The following BICC1 variants were observed in gnomAD, a reference collection of about 807,000 sequenced individuals.
BICC1 encodes the protein BicC family RNA binding protein 1.
A neutral mutation model predicts 111.0 loss-of-function variants in BICC1; 43 were observed. The observed-to-expected ratio is 0.39, with a 90% confidence interval of 0.30 to 0.50. BICC1 has a LOEUF of 0.50. BICC1 is among the 20% of genes least tolerant of loss of function. BICC1 has a pLI of 0.88. For synonymous variants in BICC1, 467 were observed against 434.4 expected (o/e 1.07, Z -0.93); for missense variants, 1,091 against 1,203.2 (o/e 0.91, Z 1.38).
intron 2 of BICC1, among the ~76,000 whole-genome samples, chr10:58,621,661 T>C (rs1348515603): frequency 2.6e-5 from 4 of 151,916 alleles, no homozygotes; most frequent in Non-Finnish European, 5.9e-5. Flanking sequence ...ATCCTAGTGC[T>C]TTGGGAAGCT....
At chr10:58,580,818 A>T (rs904032141) in intron 1 of BICC1, among the ~76,000 whole-genome samples, 5 of 152,210 alleles carry the variant, frequency 3.3e-5, no homozygotes, top group African/African-American at 1.2e-4. Flanking sequence ...AACTCAGTGT[A>T]TGAAGGAGCT....
At chr10:58,688,884 T>TG (rs879483228) in intron 2 of BICC1, among the ~76,000 whole-genome samples, 1 of 149,354 alleles carries the variant, frequency 6.7e-6, no homozygotes, top group African/African-American at 2.5e-5. Context: ...TGTTGGGGAG[T>TG]GGGGGGCTAG....
At chr10:58,785,200 A>C (rs1842976430) in intron 4 of BICC1, 120 bp downstream of exon 4, 1 of 529,168 alleles carries the variant, frequency 1.9e-6, no homozygotes, top group Non-Finnish European at 3.3e-6. Context: ...GTGGGTTTTA[A>C]AATAAGCACA....
intron 1 of BICC1, among the ~76,000 whole-genome samples, chr10:58,523,842 C>T (rs1260174828): frequency 6.6e-6 from 1 of 152,144 alleles, no homozygotes. Flanking sequence ...AGCTGATAGA[C>T]AACTTCAGCA....
intron 3 of BICC1, among the ~76,000 whole-genome samples, chr10:58,761,636 A>G (rs1319728958): frequency 1.3e-5 from 2 of 152,200 alleles, no homozygotes; most frequent in Non-Finnish European, 2.9e-5. Flanking sequence ...GTTGTTGAGA[A>G]TGGATGACAA....
chr10:58,711,807 T>G (rs200667188), intron 3 of BICC1, among the ~76,000 whole-genome samples: 1,029 of 32,130 alleles, frequency 0.032, 8 homozygotes, highest in South Asian at 0.059. Context: ...TTTTTTTTTT[T>G]GTTTTTTTTT....
chr10:58,690,127 A>G (rs1263372965), intron 2 of BICC1, among the ~76,000 whole-genome samples: 3 of 152,182 alleles, frequency 2.0e-5, no homozygotes, highest in Non-Finnish European at 4.4e-5. Context: ...TGGAATATGA[A>G]TAAAATACAT....
chr10:58,679,193 A>C (rs1839436541), intron 2 of BICC1, among the ~76,000 whole-genome samples: 2 of 152,218 alleles, frequency 1.3e-5, no homozygotes, highest in African/African-American at 4.8e-5. Flanking sequence ...ATCAGAGCAG[A>C]ACTGAAGGAG....
intron 3 of BICC1, among the ~76,000 whole-genome samples, chr10:58,719,567 C>T (rs997443285): frequency 4.6e-5 from 7 of 151,886 alleles, no homozygotes; most frequent in African/African-American, 1.7e-4. Flanking sequence ...AGTGCAGTGG[C>T]GGGATCTCGG....
intron 2 of BICC1, among the ~76,000 whole-genome samples, chr10:58,692,384 A>G (rs1485344538): frequency 2.0e-5 from 3 of 152,200 alleles, no homozygotes; most frequent in South Asian, 2.1e-4. Flanking sequence ...TTCACTTTGC[A>G]TGGCCTATGG....
chr10:58,698,827 T>C (rs968353017), intron 2 of BICC1, among the ~76,000 whole-genome samples: 9 of 152,144 alleles, frequency 5.9e-5, no homozygotes, highest in African/African-American at 1.2e-4. Flanking sequence ...GAGGAGGAAA[T>C]TGAGATTGAT....
chr10:58,631,052 G>T (rs186154658), intron 2 of BICC1, among the ~76,000 whole-genome samples: 129 of 152,182 alleles, frequency 8.5e-4, no homozygotes, highest in Non-Finnish European at 1.5e-3. Flanking sequence ...ACGTTAATAT[G>T]TTAGGTGAAA....
chr10:58,639,636 C>T (rs193056998), intron 2 of BICC1, among the ~76,000 whole-genome samples: 237 of 139,558 alleles, frequency 1.7e-3, no homozygotes, highest in Non-Finnish European at 3.0e-3. Context: ...AGCCTGGTCT[C>T]GAACTCCTGA....
At chr10:58,610,159 T>A (rs963734947) in intron 1 of BICC1, among the ~76,000 whole-genome samples, 43 of 152,260 alleles carry the variant, frequency 2.8e-4, no homozygotes, top group African/African-American at 9.1e-4. Context: ...AAGCAGTGAG[T>A]AATGTAGATG....
chr10:58,519,652 G>C (rs1393303132), intron 1 of BICC1, among the ~76,000 whole-genome samples: 2 of 151,984 alleles, frequency 1.3e-5, no homozygotes, highest in East Asian at 3.9e-4. Context: ...CCCTGAACCA[G>C]AATAGGTTCT....
intron 2 of BICC1, among the ~76,000 whole-genome samples, chr10:58,626,224 C>T (rs1479822896): frequency 2.0e-5 from 3 of 152,164 alleles, no homozygotes; most frequent in Non-Finnish European, 4.4e-5. Flanking sequence ...TAAAGATGAT[C>T]ATCAATGTGC....
chr10:58,672,989 A>G (rs1839227751), intron 2 of BICC1, among the ~76,000 whole-genome samples: 1 of 152,188 alleles, frequency 6.6e-6, no homozygotes, highest in Admixed American at 6.5e-5. Context: ...GAGGTCTGAT[A>G]TATTGCCAAA....
At chr10:58,590,262 C>T (rs527634634) in intron 1 of BICC1, among the ~76,000 whole-genome samples, 1 of 152,082 alleles carries the variant, frequency 6.6e-6, no homozygotes, top group Non-Finnish European at 1.5e-5. Flanking sequence ...AGTGCCTATC[C>T]CTTGCCTAGC....
At chr10:58,630,775 G>T (rs1158606138) in intron 2 of BICC1, among the ~76,000 whole-genome samples, 2 of 152,070 alleles carry the variant, frequency 1.3e-5, no homozygotes, top group African/African-American at 4.8e-5. Flanking sequence ...AACAAAATTT[G>T]GTGTTTGTAG....
Sources: gnomAD v4.1 joint callset for allele counts (sites outside exome capture counted in the v4.1 genomes callset) on GRCh38, gnomAD v4.1.1 for gene constraint, MANE v1.5 for transcripts, NCBI Gene and HGNC (gene_info 2026-07-23, HGNC 2026-07-21) for gene names.